The following CPEB3 variants were observed in gnomAD, a reference collection of about 807,000 sequenced individuals.
CPEB3 encodes the protein cytoplasmic polyadenylation element binding protein 3, also known as cytoplasmic polyadenylation element-binding protein 3.
In CPEB3, 20 loss-of-function variants were observed where a neutral mutation model predicts 67.2. The ratio of observed to expected loss-of-function variants is 0.30; its 90% confidence interval spans 0.21 to 0.43. The LOEUF is 0.43. Among genes scored for constraint, CPEB3 ranks in the 20% least tolerant of loss-of-function variants. The pLI is 1.00. For synonymous variants in CPEB3, 376 were observed against 393.1 expected (o/e 0.96, Z 0.51); for missense variants, 746 against 968.6 (o/e 0.77, Z 3.05).
In CPEB3 at chr10:92,052,509, G is replaced by A; in HGVS notation, c.1870-70C>T. On this transcript the variant is annotated intron_variant, in intron 9 of 9. Transcript: ENST00000265997. Reference sequence around the variant, plus strand: ...TTCCTTACATGTCTTGCTTTTGAGAGTTTACACTATAGCTTCAACGTATGT... The same window carrying A: ...TTCCTTACATGTCTTGCTTTTGAGAATTTACACTATAGCTTCAACGTATGT... The A allele has an allele frequency of 2.3e-6, 3 of 1,328,958 alleles. No individual in the cohort carries two copies. The Middle Eastern group carries it at 5.5e-4, about 244-fold the overall frequency. 82.3% of individuals were successfully genotyped at this position (1,328,958 alleles called of 1,614,324 possible). A position where few individuals can be genotyped will look rare whatever the true frequency, so the allele number is the denominator to read the frequency against.
At chr10:92,246,131 C>G (rs1398202180) in intron 1 of CPEB3, among the ~76,000 whole-genome samples, 1 of 151,686 alleles carries the variant, frequency 6.6e-6, no homozygotes, top group Non-Finnish European at 1.5e-5. Flanking sequence ...GTCAGCAGAT[C>G]AAGACCATCC....
intron 9 of CPEB3, among the ~76,000 whole-genome samples, chr10:92,079,318 T>C (rs933742980): frequency 6.6e-6 from 1 of 152,154 alleles, no homozygotes. Context: ...GGGTAAATAC[T>C]GGAGATCAGG....
chr10:92,113,046 G>A (rs1844830182), intron 6 of CPEB3, among the ~76,000 whole-genome samples: 1 of 152,038 alleles, frequency 6.6e-6, no homozygotes, highest in Non-Finnish European at 1.5e-5. Context: ...GGCAAATATA[G>A]CAGAAAAAAA....
chr10:92,246,801 C>T (rs751097469), intron 1 of CPEB3, among the ~76,000 whole-genome samples: 8 of 152,126 alleles, frequency 5.3e-5, no homozygotes, highest in Non-Finnish European at 1.2e-4. Flanking sequence ...AGCCACCACG[C>T]CCGGCCTAGG....
chr10:92,074,821 T>TA (rs1842879009), intron 9 of CPEB3, among the ~76,000 whole-genome samples: 1 of 152,278 alleles, frequency 6.6e-6, no homozygotes, highest in South Asian at 2.1e-4. Flanking sequence ...CGTTGCTGTG[T>TA]AAAAAATGAC....
chr10:92,125,275 G>A (rs948569673), intron 6 of CPEB3, among the ~76,000 whole-genome samples: 7 of 152,220 alleles, frequency 4.6e-5, no homozygotes, highest in African/African-American at 1.7e-4. Context: ...ACTGTAAGCT[G>A]CCCAAGTAAG....
chr10:92,061,441 A>AAACAAC lies in CPEB3; in HGVS notation c.1870-9003_1870-9002insGTTGTT, dbSNP rs1554878088. ...TCTCAAAAAAAAAAAAAAAAAAAAAAAACATATGAATAGATAAAGCAAATG... is the reference window on the plus strand; with the variant it reads ...TCTCAAAAAAAAAAAAAAAAAAAAAAAACAACAACATATGAATAGATAAAGCAAATG... On this transcript the variant is annotated intron_variant, in intron 9 of 9. Transcript: ENST00000265997. 8.6e-4 allele frequency among the ~76,000 whole-genome samples: 121 copies of AAACAAC among 140,724 alleles called. 4 individuals carry two copies. The highest frequency in any genetic ancestry group is 1.3e-3 in the South Asian group (6 of 4,472). The allele number at this position is 140,724 out of a possible 152,430, so 92.3% of individuals were successfully genotyped here. A position where few individuals can be genotyped will look rare whatever the true frequency, so the allele number is the denominator to read the frequency against.
At chr10:92,235,006 A>G (rs1362519548) in intron 2 of CPEB3, among the ~76,000 whole-genome samples, 1 of 152,236 alleles carries the variant, frequency 6.6e-6, no homozygotes, top group Non-Finnish European at 1.5e-5. Flanking sequence ...ATCTCAAAGG[A>G]GTTCCAGTGA....
At chr10:92,144,222 A>G (rs960705739) in intron 5 of CPEB3, among the ~76,000 whole-genome samples, 1 of 152,184 alleles carries the variant, frequency 6.6e-6, no homozygotes, top group Non-Finnish European at 1.5e-5. Flanking sequence ...ATTCATCTTC[A>G]TTCTTTTAAA....
chr10:92,081,263 C>T, intron 9 of CPEB3, 57 bp downstream of exon 9: 1 of 1,595,566 alleles, frequency 6.3e-7, no homozygotes, highest in African/African-American at 1.3e-5. Flanking sequence ...TCCCAGGAAA[C>T]TACAGAACAA....
At chr10:92,088,618 A>G (rs979467677) in intron 8 of CPEB3, among the ~76,000 whole-genome samples, 1 of 152,092 alleles carries the variant, frequency 6.6e-6, no homozygotes, top group Non-Finnish European at 1.5e-5. Flanking sequence ...ACAATGAGGA[A>G]ATATCAAAGA....
At chr10:92,131,595 T>C (rs1342216423) in intron 6 of CPEB3, among the ~76,000 whole-genome samples, 1 of 152,218 alleles carries the variant, frequency 6.6e-6, no homozygotes, top group African/African-American at 2.4e-5. Flanking sequence ...TCTTACTTTA[T>C]AAGACATCGT....
At chr10:92,063,624 T>C (rs552320794) in intron 9 of CPEB3, among the ~76,000 whole-genome samples, 4 of 152,036 alleles carry the variant, frequency 2.6e-5, no homozygotes, top group South Asian at 2.1e-4. Flanking sequence ...ATTAGCCAGG[T>C]GTGGTGGCGC....
Position 92,081,312 on chromosome 10 carries a change from G to A in CPEB3, c.1869+8C>T, listed in dbSNP as rs538738072. 3.7e-6 allele frequency: 6 copies of A among 1,614,098 alleles called. No individual in the cohort carries two copies. The East Asian group carries it at 8.9e-5, about 24-fold the overall frequency. Reference sequence around the variant, plus strand: ...CCCATAGCAGTTTCACCCTAAGTAGGTGCTTACCCGTTTGTCAATGTCATT... The same window carrying A: ...CCCATAGCAGTTTCACCCTAAGTAGATGCTTACCCGTTTGTCAATGTCATT... On this transcript the variant is annotated splice_region_variant and intron_variant, in intron 9 of 9. Coordinates refer to ENST00000265997, the MANE Select transcript of CPEB3 (RefSeq NM_014912.5).
At chr10:92,092,970 T>A (rs1007510899) in intron 7 of CPEB3, among the ~76,000 whole-genome samples, 1 of 152,240 alleles carries the variant, frequency 6.6e-6, no homozygotes, top group African/African-American at 2.4e-5. Flanking sequence ...TAGTTTGTAC[T>A]ATTTTATCAC....
intron 1 of CPEB3, among the ~76,000 whole-genome samples, chr10:92,281,212 TTGTC>T (rs138239060): frequency 0.01 from 1,565 of 151,228 alleles, 17 homozygotes; most frequent in African/African-American, 0.036. Context: ...TTTAGGTCCT[TTGTC>T]TGTTTTTAAA....
At chr10:92,216,401 T>G in intron 2 of CPEB3, 1 of 1,612,434 alleles carries the variant, frequency 6.2e-7, no homozygotes, top group Non-Finnish European at 8.5e-7. Context: ...GGAGCGCACC[T>G]ACCAGGAGCT....
intron 1 of CPEB3, among the ~76,000 whole-genome samples, chr10:92,259,056 G>A (rs897469697): frequency 7.3e-5 from 11 of 151,368 alleles, no homozygotes; most frequent in East Asian, 4.0e-4. Flanking sequence ...TCCACCTCCC[G>A]GGTTCAAGCA....
At chr10:92,242,250 A>ACC (rs200044532) in intron 1 of CPEB3, among the ~76,000 whole-genome samples, 1 of 151,120 alleles carries the variant, frequency 6.6e-6, no homozygotes, top group East Asian at 1.9e-4. Flanking sequence ...CCTCCCTTCA[A>ACC]CCCCCCCAGG....
Sources: allele counts gnomAD v4.1 joint callset (sites outside exome capture counted in the v4.1 genomes callset), GRCh38; gene constraint gnomAD v4.1.1; transcripts MANE v1.5; gene names NCBI Gene and HGNC (gene_info 2026-07-23, HGNC 2026-07-21).